The following USP48 variants were observed in gnomAD, a reference collection of about 807,000 sequenced individuals.
USP48 encodes the protein ubiquitin carboxyl-terminal hydrolase 48.
Under a neutral mutation model 150.7 loss-of-function variants are expected in USP48, and 43 were observed. That is an observed-to-expected ratio of 0.29 (90% confidence interval 0.22 to 0.37). The LOEUF (loss-of-function observed/expected upper bound fraction) is 0.37, where lower values mean the gene tolerates loss of function less well. USP48 is among the 10% of genes least tolerant of loss of function. USP48 has a pLI of 1.00. For synonymous variants in USP48, 396 were observed against 425.9 expected, an observed-to-expected ratio of 0.93 and a Z score of 0.86; for missense variants, 813 against 1,249.6, an observed-to-expected ratio of 0.65 and a Z score of 5.27.
chr1:21,777,742 T>C (rs374807887), intron 1 of USP48, among the ~76,000 whole-genome samples: 1 of 151,940 alleles, frequency 6.6e-6, no homozygotes, highest in African/African-American at 2.4e-5. Flanking sequence ...GTACTGAAAA[T>C]GATACCACCA....
intron 8 of USP48, among the ~76,000 whole-genome samples, chr1:21,742,526 A>G (rs970542192): frequency 3.3e-5 from 5 of 149,562 alleles, no homozygotes; most frequent in African/African-American, 9.8e-5. Context: ...CCTGGGTGAC[A>G]GAGCGAGACT....
At chr1:21,700,065 CTT>C (rs1338081315) in intron 22 of USP48, among the ~76,000 whole-genome samples, 3 of 150,198 alleles carry the variant, frequency 2.0e-5, no homozygotes, top group Non-Finnish European at 4.4e-5. Flanking sequence ...CTTTGCTGCC[CTT>C]CTTTACCCTG....
intron 5 of USP48, 134 bp downstream of exon 5, chr1:21,752,393 T>C: frequency 2.8e-6 from 3 of 1,058,646 alleles, no homozygotes; most frequent in Non-Finnish European, 4.0e-6. Context: ...CCCATGGAAA[T>C]GTATTACTAT....
intron 9 of USP48, among the ~76,000 whole-genome samples, chr1:21,736,226 T>C (rs951965418): frequency 2.0e-5 from 3 of 152,142 alleles, no homozygotes; most frequent in Non-Finnish European, 2.9e-5. Context: ...CAGCCATGAC[T>C]GTACCACTGC....
At chr1:21,781,086 A>T (rs950027299) in intron 1 of USP48, among the ~76,000 whole-genome samples, 19 of 149,958 alleles carry the variant, frequency 1.3e-4, no homozygotes, top group Admixed American at 2.6e-4. Context: ...TTATTTTTTT[A>T]AATTTATCCA....
chr1:21,749,985 CCAAGA>C (rs1387140358), intron 6 of USP48, among the ~76,000 whole-genome samples: 1 of 152,270 alleles, frequency 6.6e-6, no homozygotes, highest in African/African-American at 2.4e-5. Flanking sequence ...ACCCCGTGGT[CCAAGA>C]CACCATGCAC....
At chr1:21,779,868 C>G (rs2152661145) in intron 1 of USP48, among the ~76,000 whole-genome samples, 1 of 152,254 alleles carries the variant, frequency 6.6e-6, no homozygotes, top group East Asian at 1.9e-4. Flanking sequence ...TACAAAGATG[C>G]ATCACTTCAC....
Position 21,753,088 on chromosome 1 carries a change from G to A in USP48, c.444C>T (p.Leu148=). 6.2e-7 allele frequency: 1 copy of A among 1,610,354 alleles called. No homozygotes were observed. Among genetic ancestry groups the A allele is most frequent in the Non-Finnish European group, 8.5e-7 (1 of 1,179,138 alleles). ...TTTGCAACAAGGCAAACAAGTACTG[G>A]AGATGCTCACAAATTGTTTGAGGCT... is the stretch of plus-strand genomic sequence containing the variant. ...DYEPQTICEH[L]QYLFALLQNS... is the part of the protein sequence containing the mutation. The change falls in exon 4 of 27, where the codon CTC becomes CTT. Residue 148 remains leucine, a synonymous_variant. Transcript: ENST00000308271.
intron 24 of USP48, among the ~76,000 whole-genome samples, chr1:21,688,964 T>G (rs1221566622): frequency 6.6e-6 from 1 of 152,016 alleles, no homozygotes; most frequent in Non-Finnish European, 1.5e-5. Context: ...TGACAGAACC[T>G]TGTGTTTTAC....
chr1:21,732,669 T>C, intron 9 of USP48: 1 of 369,736 alleles, frequency 2.7e-6, no homozygotes. Context: ...CTTACTATAT[T>C]CCATTAGAAT....
chr1:21,690,111 T>C lies in USP48; in HGVS notation c.2884-12A>G, dbSNP rs778512148. 7 of 1,605,256 alleles carry C rather than the reference T, an allele frequency of 4.4e-6. No homozygotes were observed. The highest frequency in any genetic ancestry group is 5.1e-6 in the Non-Finnish European group (6 of 1,176,084). ...AATGCATGCATGATCTGTGCCAATA[T>C]AAAAGAGAGAAAGTCCGTATAATGC... On this transcript the variant is annotated splice_polypyrimidine_tract_variant and intron_variant, in intron 23 of 26. Transcript: ENST00000308271.
intron 25 of USP48, among the ~76,000 whole-genome samples, chr1:21,682,241 G>A (rs1247645355): frequency 1.3e-5 from 2 of 152,018 alleles, no homozygotes; most frequent in Non-Finnish European, 2.9e-5. Flanking sequence ...AGGATCTTGC[G>A]GGCACTGCTC....
chr1:21,752,346 G>A (rs1248123415), intron 5 of USP48, among the ~76,000 whole-genome samples, 181 bp downstream of exon 5: 1 of 152,208 alleles, frequency 6.6e-6, no homozygotes, highest in Non-Finnish European at 1.5e-5. Context: ...ACCTGGATGG[G>A]TGCAACTGCA....
chr1:21,770,404 G>A (rs2152638544), intron 1 of USP48, among the ~76,000 whole-genome samples: 1 of 151,742 alleles, frequency 6.6e-6, no homozygotes, highest in South Asian at 2.1e-4. Context: ...GTGTCTTGAA[G>A]TGTTAGTAAT....
intron 21 of USP48, among the ~76,000 whole-genome samples, chr1:21,701,841 T>G (rs1320958131): frequency 2.0e-5 from 3 of 152,218 alleles, no homozygotes; most frequent in Non-Finnish European, 4.4e-5. Flanking sequence ...CACCATACAT[T>G]TAAGAGGTCT....
chr1:21,701,512 G>A lies in USP48; in HGVS notation c.2713C>T (p.Pro905Ser). Residue 905 changes from proline (P) to serine (S), a missense_variant, in exon 22 of 27, where the codon CCA (proline) becomes TCA (serine). Pro to Ser is a moderately conservative substitution (Grantham distance 74). Coordinates refer to ENST00000308271, the MANE Select transcript of USP48 (RefSeq NM_032236.8). ...TCAACACATACTTGATTAAAATCTG[G>A]ATCTTTTTCTCCATCTGGTTTAGCT... The part of the protein sequence containing the change: ...EEAKPDGEKD[P>S]DFNQSNGGTK... 1 of 1,613,848 alleles carries A rather than the reference G, an allele frequency of 6.2e-7. No individual in the cohort carries two copies. The highest frequency in any genetic ancestry group is 8.5e-7 in the Non-Finnish European group (1 of 1,179,820).
chr1:21,770,188 T>C (rs1292702468), intron 1 of USP48, among the ~76,000 whole-genome samples: 1 of 150,476 alleles, frequency 6.6e-6, no homozygotes, highest in Non-Finnish European at 1.5e-5. Flanking sequence ...TGTACAGCAC[T>C]AGAATTGAAC....
At chr1:21,772,172 A>G (rs2097882692) in intron 1 of USP48, among the ~76,000 whole-genome samples, 2 of 152,216 alleles carry the variant, frequency 1.3e-5, no homozygotes, top group African/African-American at 4.8e-5. Flanking sequence ...AACATGAGTG[A>G]ATATTTTTAT....
chr1:21,687,110 G>T, intron 25 of USP48, 81 bp downstream of exon 25: 1 of 1,342,220 alleles, frequency 7.5e-7, no homozygotes, highest in Non-Finnish European at 1.1e-6. Flanking sequence ...TAAAAGCACT[G>T]TACACTAAAG....
Sources: gnomAD v4.1 joint callset for allele counts (sites outside exome capture counted in the v4.1 genomes callset) on GRCh38, gnomAD v4.1.1 for gene constraint, MANE v1.5 for transcripts, NCBI Gene and HGNC (gene_info 2026-07-23, HGNC 2026-07-21) for gene names.